SPATA16: variants seen among roughly 807,000 people sequenced by gnomAD.
The protein encoded by SPATA16 is spermatogenesis associated 16.
SPATA16 carries 36 observed loss-of-function variants against 63.3 expected under a neutral mutation model. That is an observed-to-expected ratio of 0.57 (90% CI 0.44 to 0.75). The LOEUF (loss-of-function observed/expected upper bound fraction) is 0.75, where lower values mean the gene tolerates loss of function less well. Ranked by LOEUF, SPATA16 falls within the 30% of genes least tolerant of loss-of-function variation. The pLI, the probability that SPATA16 is intolerant of heterozygous loss-of-function variation, is 0.00. For synonymous variants in SPATA16, 203 were observed against 216.7 expected, an observed-to-expected ratio of 0.94 and a Z score of 0.56; for missense variants, 646 against 679.3, an observed-to-expected ratio of 0.95 and a Z score of 0.54.
At chr3:172,932,484 T>G (rs1451958930) in intron 6 of SPATA16, among the ~76,000 whole-genome samples, 1 of 152,178 alleles carries the variant, frequency 6.6e-6, no homozygotes, top group Non-Finnish European at 1.5e-5. Flanking sequence ...ACTGATCAGT[T>G]TCAGACTTTC....
intron 6 of SPATA16, among the ~76,000 whole-genome samples, chr3:172,940,914 C>T (rs1206430889): frequency 3.3e-5 from 5 of 151,880 alleles, no homozygotes; most frequent in Admixed American, 3.3e-4. Flanking sequence ...ACCCGGGAGG[C>T]GGAGGTTGCA....
chr3:172,906,555 G>A lies in SPATA16; in HGVS notation c.1587+7106C>T, dbSNP rs185705223. On this transcript the variant is annotated intron_variant, in intron 10 of 10. Coordinates refer to ENST00000351008, the MANE Select transcript of SPATA16 (RefSeq NM_031955.6). The stretch of plus-strand genomic sequence containing the variant: ...GGAGGTCACCTTAATTCCCCACTCG[G>A]CCTCACACCTGAATGTTCAACTACA... Among the ~76,000 whole-genome samples, 3 of 131,510 alleles carry A rather than the reference G, an allele frequency of 2.3e-5. No individual in the cohort carries two copies. In the Admixed American group the frequency reaches 2.3e-4, roughly 10 times the overall value. The allele number at this position is 131,510 out of a possible 152,430, so 86.3% of individuals were successfully genotyped here.
intron 2 of SPATA16, among the ~76,000 whole-genome samples, chr3:173,115,978 G>A (rs1305643502): frequency 6.6e-6 from 1 of 150,840 alleles, no homozygotes; most frequent in African/African-American, 2.4e-5. Flanking sequence ...CTGCACTCTC[G>A]ACCTCTTGGG....
intron 10 of SPATA16, among the ~76,000 whole-genome samples, chr3:172,893,551 A>G (rs1457739459): frequency 3.3e-5 from 5 of 152,236 alleles, no homozygotes; most frequent in Non-Finnish European, 7.3e-5. Context: ...AGTTTGTGGT[A>G]CTTTGCTATG....
chr3:172,962,665 G>A (rs1489951759), intron 5 of SPATA16, among the ~76,000 whole-genome samples: 1 of 152,044 alleles, frequency 6.6e-6, no homozygotes, highest in Non-Finnish European at 1.5e-5. Context: ...ATCTGGGCAG[G>A]TATTACTAGT....
chr3:172,898,263 A>T lies in SPATA16; in HGVS notation c.1588-8571T>A, dbSNP rs569372591. On this transcript the variant is annotated intron_variant, in intron 10 of 10. Transcript: ENST00000351008. ...GGGATAATACTAGATTTATAACATGAATTGGGAAGGGTTTGCTACTCTTGT... is the reference window on the plus strand; with the variant it reads ...GGGATAATACTAGATTTATAACATGTATTGGGAAGGGTTTGCTACTCTTGT... Among the ~76,000 whole-genome samples, 3 of 151,986 alleles carry T rather than the reference A, an allele frequency of 2.0e-5. No individual in the cohort carries two copies. In the South Asian group the frequency reaches 6.2e-4, roughly 32 times the overall value.
chr3:173,094,706 G>A (rs931815062), intron 2 of SPATA16, among the ~76,000 whole-genome samples: 1 of 103,196 alleles, frequency 9.7e-6, no homozygotes, highest in Non-Finnish European at 1.9e-5. Context: ...GGCTTTTACT[G>A]TCAAATCCTG....
intron 6 of SPATA16, among the ~76,000 whole-genome samples, chr3:172,938,013 G>C (rs1733049639): frequency 6.6e-6 from 1 of 152,158 alleles, no homozygotes; most frequent in Non-Finnish European, 1.5e-5. Flanking sequence ...GGAAATCTCA[G>C]ATGAAGCAGC....
chr3:172,917,207 C>T (rs1038009321), intron 8 of SPATA16, among the ~76,000 whole-genome samples: 3 of 152,148 alleles, frequency 2.0e-5, no homozygotes, highest in Non-Finnish European at 4.4e-5. Flanking sequence ...TACTGCCATC[C>T]ACAAAAGAGG....
rs960470475 is a variant in SPATA16, at chr3:172,954,352, G to T, written c.1081+2325C>A. ...TTTACTACCATGAGAACAGTATGGG[G>T]GAAACCACCCCCATGATTCAATTAT... On this transcript the variant is annotated intron_variant, in intron 6 of 10. Coordinates refer to ENST00000351008, the MANE Select transcript of SPATA16 (RefSeq NM_031955.6). Among the ~76,000 whole-genome samples the T allele has an allele frequency of 5.3e-5, 8 of 152,164 alleles. No homozygotes were observed. In the East Asian group the frequency reaches 1.5e-3, roughly 29 times the overall value.
chr3:172,995,498 T>G (rs1006040701), intron 4 of SPATA16, among the ~76,000 whole-genome samples: 1 of 151,996 alleles, frequency 6.6e-6, no homozygotes, highest in South Asian at 2.1e-4. Context: ...CTTCAGAAGC[T>G]AAAATTAAGT....
In SPATA16 at chr3:172,916,403, C is replaced by G. The variant is rs1432057600; in HGVS notation, c.1417G>C (p.Glu473Gln). Residue 473 changes from glutamate to glutamine, a missense_variant, in exon 9 of 11, where the codon GAG becomes CAG. Transcript: ENST00000351008. ...SLLSQLQRVK[E>Q]QSQVINQAMA... Reference sequence around the variant, plus strand: ...GCTTGATTAATCACCTGGGACTGCTCCTTTACTCTCTGCAGCTGGCTGAGG... The same window carrying G: ...GCTTGATTAATCACCTGGGACTGCTGCTTTACTCTCTGCAGCTGGCTGAGG... The G allele has an allele frequency of 6.2e-7, 1 of 1,613,890 alleles. No individual in the cohort carries two copies. The highest frequency in any genetic ancestry group is 2.2e-5 in the East Asian group (1 of 44,878).
rs554035261 is a variant in SPATA16 at position 172,959,816 on chromosome 3, A to G, written c.934-2992T>C. Among the ~76,000 whole-genome samples, 15 of 134,038 alleles carry G rather than the reference A, an allele frequency of 1.1e-4. No homozygotes were observed. The South Asian group carries it at 3.5e-3, about 31-fold the overall frequency. 87.9% of individuals were successfully genotyped at this position (134,038 alleles called of 152,430 possible). A position where few individuals can be genotyped will look rare whatever the true frequency, so the allele number is the denominator to read the frequency against. On this transcript the variant is annotated intron_variant, in intron 5 of 10. Coordinates refer to ENST00000351008, the MANE Select transcript of SPATA16 (RefSeq NM_031955.6). ...TATATATATATATATATATATATAT[A>G]TATTTAGCATTATTGGTATTGAATG...
intron 5 of SPATA16, among the ~76,000 whole-genome samples, chr3:172,974,038 C>T (rs1183172627): frequency 1.3e-5 from 2 of 152,136 alleles, no homozygotes; most frequent in Admixed American, 6.6e-5. Context: ...TAGTATAGTG[C>T]TTTATGCCTT....
chr3:173,001,271 T>TTTTTTTTTGTTG (rs1560092802), intron 4 of SPATA16, among the ~76,000 whole-genome samples: 2 of 150,440 alleles, frequency 1.3e-5, no homozygotes, highest in African/African-American at 4.9e-5. Flanking sequence ...CTCAGTTGTT[T>TTTTTTTTTGTTG]TTTTTTTTTT....
At chr3:172,898,952 C>CT (rs894267934) in intron 10 of SPATA16, among the ~76,000 whole-genome samples, 18 of 151,712 alleles carry the variant, frequency 1.2e-4, no homozygotes, top group African/African-American at 3.6e-4. Flanking sequence ...TTTGAGACTC[C>CT]TTTTTTGATC....
intron 6 of SPATA16, among the ~76,000 whole-genome samples, chr3:172,934,057 GA>G (rs1421458201): frequency 1.3e-5 from 2 of 151,996 alleles, no homozygotes; most frequent in African/African-American, 4.8e-5. Flanking sequence ...CTGGTAACAA[GA>G]CTTACATTTA....
chr3:173,001,319 A>G (rs910613299), intron 4 of SPATA16, among the ~76,000 whole-genome samples: 5 of 149,520 alleles, frequency 3.3e-5, no homozygotes, highest in Non-Finnish European at 7.4e-5. Flanking sequence ...GCTAGAGGGA[A>G]CTGGAGCTGG....
chr3:173,074,809 A>T (rs1736751219), intron 2 of SPATA16, among the ~76,000 whole-genome samples: 2 of 151,874 alleles, frequency 1.3e-5, no homozygotes, highest in Admixed American at 1.3e-4. Context: ...ACCAGCCTGG[A>T]AAACATGGTG....
Sources: gnomAD v4.1 joint callset for allele counts (sites outside exome capture counted in the v4.1 genomes callset) on GRCh38, gnomAD v4.1.1 for gene constraint, MANE v1.5 for transcripts, NCBI Gene and HGNC (gene_info 2026-07-23, HGNC 2026-07-21) for gene names.